PTDSS2: variants seen among roughly 807,000 people sequenced by gnomAD.
PTDSS2 encodes phosphatidylserine synthase 2.
Under a neutral mutation model 64.7 loss-of-function variants are expected in PTDSS2, and 41 were observed. That is an observed-to-expected ratio of 0.63 (90% CI 0.49 to 0.82). The LOEUF (loss-of-function observed/expected upper bound fraction) is 0.82, where lower values mean the gene tolerates loss of function less well. Among genes scored for constraint, PTDSS2 ranks in the 40% least tolerant of loss-of-function variants. The probability of loss-of-function intolerance (pLI) is 0.00; values close to 1 mark genes in which losing one functional copy is unlikely to be tolerated. For missense variants in PTDSS2, 485 were observed against 650.0 expected, an observed-to-expected ratio of 0.75 and a Z score of 2.76; for synonymous variants, 297 against 277.8, an observed-to-expected ratio of 1.07 and a Z score of -0.69.
upstream of PTDSS2, among the ~76,000 whole-genome samples, chr11:449,191 C>T (rs546306376): frequency 6.6e-6 from 1 of 152,180 alleles, no homozygotes; most frequent in African/African-American, 2.4e-5. Context: ...CCTCAGCCTC[C>T]CGAGTAGCTA....
At chr11:484,691 C>T (rs1590677596) in intron 4 of PTDSS2, among the ~76,000 whole-genome samples, 1 of 116,922 alleles carries the variant, frequency 8.6e-6, no homozygotes, top group South Asian at 2.4e-4. Flanking sequence ...GGCGTGTGTG[C>T]TGTGTGTGTG....
At chr11:486,057 G>A (rs983867268) in intron 4 of PTDSS2, among the ~76,000 whole-genome samples, 3 of 152,148 alleles carry the variant, frequency 2.0e-5, no homozygotes, top group Admixed American at 6.5e-5. Context: ...GTGCACGGGC[G>A]TGTGTGTTCA....
At chr11:490,155 G>A (rs1302005591) in intron 11 of PTDSS2, 87 bp downstream of exon 11, 2 of 1,399,286 alleles carry the variant, frequency 1.4e-6, no homozygotes, top group Non-Finnish European at 1.9e-6. Context: ...TGGTGTCGTT[G>A]GTGTCTCACT....
At chr11:458,810 G>A (rs1384135857) in intron 1 of PTDSS2, 1 of 152,212 alleles carries the variant, frequency 6.6e-6, no homozygotes, top group Admixed American at 6.5e-5. Flanking sequence ...TCAGATATAT[G>A]TATTGTGAAT....
chr11:489,654 C>G lies in PTDSS2; in HGVS notation c.1036C>G (p.Leu346Val). Residue 346 changes from leucine to valine, a missense_variant, in exon 10 of 12, where the codon CTG (leucine) becomes GTG (valine). By Grantham distance (32) the Leu-to-Val change is conservative (BLOSUM62 1). Around this residue, in one of 3 missense-constraint regions of PTDSS2, gnomAD observed 219 missense variants for 257.3 expected, o/e 0.85. Coordinates refer to ENST00000308020, the MANE Select transcript of PTDSS2 (RefSeq NM_030783.3). ...FVLWMPPEHY[L>V]VLLRLVFFVN... ...GCTGTGGATGCCCCCGGAGCACTAC[C>G]TGGTCCTCCTGCGGCTCGTCTTCTT... The G allele has an allele frequency of 1.9e-6, 3 of 1,601,642 alleles. No individual in the cohort carries two copies. In the East Asian group the frequency reaches 6.8e-5, roughly 36 times the overall value.
chr11:484,673 AC>A (rs1848218477), intron 4 of PTDSS2, among the ~76,000 whole-genome samples: 1 of 147,678 alleles, frequency 6.8e-6, no homozygotes, highest in South Asian at 2.1e-4. Flanking sequence ...GCGTCTGTAA[AC>A]TGCACGGGCG....
At chr11:466,445 G>T (rs1847145777) in intron 2 of PTDSS2, among the ~76,000 whole-genome samples, 1 of 134,290 alleles carries the variant, frequency 7.4e-6, no homozygotes, top group Non-Finnish European at 1.5e-5. Context: ...TTGCTCTGTT[G>T]CCCAGGCTGG....
intron 1 of PTDSS2, among the ~76,000 whole-genome samples, chr11:452,742 G>A (rs1385446772): frequency 2.0e-5 from 3 of 152,092 alleles, no homozygotes; most frequent in African/African-American, 7.2e-5. Context: ...CTTCTGGGTG[G>A]CAGGTAACTC....
Position 489,981 on chromosome 11 carries a change from C to T in PTDSS2, c.1214C>T (p.Thr405Ile), listed in dbSNP as rs1257709844. The T allele has an allele frequency of 6.2e-7, 1 of 1,612,220 alleles. No homozygotes were observed. The highest frequency in any genetic ancestry group is 1.3e-5 in the African/African-American group (1 of 74,926). The change falls in exon 11 of 12, where the codon ACC (threonine) becomes ATC (isoleucine). Residue 405 changes from threonine (T) to isoleucine (I), a missense_variant. Thr to Ile is a moderately conservative substitution (Grantham distance 89, BLOSUM62 -1). This residue lies in a region of PTDSS2 where 219 missense variants were observed against 257.3 expected (regional missense o/e 0.85). Coordinates refer to ENST00000308020, the MANE Select transcript of PTDSS2 (RefSeq NM_030783.3). ...GTGAAGTACGACCCCCACACGCTCACCCTGTCCCTGCCCTTCTACATCTCC... is the reference window on the plus strand; with the variant it reads ...GTGAAGTACGACCCCCACACGCTCATCCTGTCCCTGCCCTTCTACATCTCC... ...IVVKYDPHTL[T>I]LSLPFYISQC...
Position 473,899 on chromosome 11 carries a change from A to T in PTDSS2, c.289A>T (p.Ile97Phe), listed in dbSNP as rs749758942. ...CTGTTTGTTCTTTATTTGCAGAGGT[A>T]TTGTGGCCAGTATTTTGGTTTTCTT... The part of the protein sequence containing the change: ...QDTAYNTKRG[I>F]VASILVFLCF... The change falls in exon 3 of 12, where the codon ATT becomes TTT. Residue 97 changes from isoleucine (I) to phenylalanine (F), a missense_variant. This residue lies in a region of PTDSS2 where 251 missense variants were observed against 348.0 expected (regional missense o/e 0.72). Transcript: ENST00000308020. 1.2e-6 allele frequency: 2 copies of T among 1,610,454 alleles called. No individual in the cohort carries two copies. The highest frequency in any genetic ancestry group is 2.2e-5 in the South Asian group (2 of 91,006).
chr11:469,743 C>G (rs935091952), intron 2 of PTDSS2, among the ~76,000 whole-genome samples: 2 of 152,062 alleles, frequency 1.3e-5, no homozygotes, highest in African/African-American at 2.4e-5. Context: ...ATCCTGGTTC[C>G]TAGTGCCCTC....
intron 4 of PTDSS2, among the ~76,000 whole-genome samples, chr11:480,841 G>A (rs1321215396): frequency 2.0e-5 from 3 of 152,198 alleles, no homozygotes; most frequent in African/African-American, 7.2e-5. Context: ...CCAGCACTTT[G>A]GGAGGCTGAG....
At position 490,884 on chromosome 11, in the gene PTDSS2, G is replaced by GAGCTGGC. The variant is rs1848655201; in HGVS notation, c.*303_*309dup. The GAGCTGGC allele has an allele frequency of 7.5e-6, 3 of 399,488 alleles. No individual in the cohort carries two copies. Among genetic ancestry groups the GAGCTGGC allele is most frequent in the Middle Eastern group, 6.6e-4 (1 of 1,524 alleles). The allele number at this position is 399,488 out of a possible 1,614,324, so 24.7% of individuals were successfully genotyped here. ...GGCTCCGAGGCTTCTCCAGAGCTGG[G>GAGCTGGC]AGCTGGCTGGCGTGGCAAGGGCATG... is the stretch of plus-strand genomic sequence containing the variant. On this transcript the variant is annotated 3_prime_UTR_variant, in exon 12 of 12. Coordinates refer to ENST00000308020, the MANE Select transcript of PTDSS2 (RefSeq NM_030783.3).
At chr11:452,139 C>A (rs1429631668) in intron 1 of PTDSS2, among the ~76,000 whole-genome samples, 1 of 152,058 alleles carries the variant, frequency 6.6e-6, no homozygotes, top group African/African-American at 2.4e-5. Context: ...CTCTGACATC[C>A]CGGAGCAAGG....
intron 1 of PTDSS2, among the ~76,000 whole-genome samples, chr11:454,674 G>C (rs530735588): frequency 9.5e-4 from 145 of 152,206 alleles, no homozygotes; most frequent in African/African-American, 3.4e-3. Flanking sequence ...GTGTGGTGGC[G>C]GGCGCCTGTA....
In PTDSS2 at chr11:476,735, T is replaced by G. The variant is rs989189643; in HGVS notation, c.368-2350T>G. Among the ~76,000 whole-genome samples, 1 of 152,180 alleles carries G rather than the reference T, an allele frequency of 6.6e-6. No individual in the cohort carries two copies. The highest frequency in any genetic ancestry group is 2.4e-5 in the African/African-American group (1 of 41,452). ...CAAAAGCTCCGGCCGCGGCGTCTCT[T>G]GAGTTGTGGCTCGTCCCCTCCCACT... is the stretch of plus-strand genomic sequence containing the variant. On this transcript the variant is annotated intron_variant, in intron 3 of 11. Coordinates refer to ENST00000308020, the MANE Select transcript of PTDSS2 (RefSeq NM_030783.3). This position sits in a 1 kb window ranked among gnomAD's most constrained non-coding sequence, Gnocchi z 4.9.
rs1846269568 is a variant in PTDSS2 at position 450,572 on chromosome 11, G to A, written c.117G>A (p.Gly39=). The change falls in exon 1 of 12, where the codon GGG becomes GGA. Residue 39 remains glycine (G), a synonymous_variant. Coordinates refer to ENST00000308020, the MANE Select transcript of PTDSS2 (RefSeq NM_030783.3). The part of the protein sequence containing the change: ...PDGPSAGQAT[G]PGEGRRSTES... ...GGCCGTCTGCCGGCCAAGCCACCGG[G>A]CCGGGCGAGGGCCGCCGCAGCACCG... The A allele has an allele frequency of 8.0e-7, 1 of 1,243,338 alleles. No individual in the cohort carries two copies. 77.0% of individuals were successfully genotyped at this position (1,243,338 alleles called of 1,614,324 possible).
chr11:490,600 TCGTGAGCCTCCCAGAGCCCAGGCCTC>T lies in PTDSS2; in HGVS notation c.*23_*48del. 2 of 1,562,686 alleles carry T rather than the reference TCGTGAGCCTCCCAGAGCCCAGGCCTC, an allele frequency of 1.3e-6. No homozygotes were observed. Among genetic ancestry groups the T allele is most frequent in the Non-Finnish European group, 1.7e-6 (2 of 1,153,278 alleles). On this transcript the variant is annotated 3_prime_UTR_variant, in exon 12 of 12. Transcript: ENST00000308020. Reference sequence around the variant, plus strand: ...CAAACTGACCTGGGCCGTGGCTGCCTCGTGAGCCTCCCAGAGCCCAGGCCTCCGTGGCCTCCTCCTGTGTGAGTCCC... The same window carrying T: ...CAAACTGACCTGGGCCGTGGCTGCCTCGTGGCCTCCTCCTGTGTGAGTCCC...
upstream of PTDSS2, among the ~76,000 whole-genome samples, chr11:449,130 C>T (rs1460610024): frequency 1.3e-5 from 2 of 148,494 alleles, no homozygotes; most frequent in African/African-American, 5.0e-5. Context: ...TGCAGTGGCA[C>T]AATCTCGGCT....
Sources: gnomAD v4.1 joint callset for allele counts (sites outside exome capture counted in the v4.1 genomes callset) on GRCh38, gnomAD v4.1.1 for gene constraint, gnomAD v4.1.1 regional missense constraint, Gnocchi (gnomAD v3.1) non-coding constraint, MANE v1.5 for transcripts, NCBI Gene and HGNC (gene_info 2026-07-23, HGNC 2026-07-21) for gene names.